The following VWA3B variants were observed in gnomAD, a reference collection of about 807,000 sequenced individuals.
VWA3B encodes the protein von Willebrand factor A domain containing 3B.
In VWA3B, 138 loss-of-function variants were observed where a neutral mutation model predicts 158.3. That is an observed-to-expected ratio of 0.87 (90% CI 0.76 to 1.00). The LOEUF is 1.00. Among genes scored for constraint, VWA3B ranks in the 50% least tolerant of loss-of-function variants. The probability of loss-of-function intolerance (pLI) is 0.00; values close to 1 mark genes in which losing one functional copy is unlikely to be tolerated. For synonymous variants in VWA3B, 596 were observed against 587.3 expected (o/e 1.01, Z -0.21); for missense variants, 1,555 against 1,565.1 (o/e 0.99, Z 0.11).
At chr2:98,102,403 T>G (rs555594017) in intron 2 of VWA3B, among the ~76,000 whole-genome samples, 2 of 152,224 alleles carry the variant, frequency 1.3e-5, no homozygotes, top group African/African-American at 4.8e-5. Context: ...AGCTGTTGGG[T>G]ACACCTGCAG....
At chr2:98,212,153 G>A (rs1683581949) in intron 13 of VWA3B, 125 bp downstream of exon 13, 4 of 716,872 alleles carry the variant, frequency 5.6e-6, no homozygotes, top group Non-Finnish European at 9.5e-6. Context: ...CCTTGGCTTA[G>A]GGACTCAGAT....
rs1690962261 is a variant in VWA3B at position 98,312,336 on chromosome 2, C to T, written c.3872C>T (p.Pro1291Leu). The T allele has an allele frequency of 3.1e-6, 5 of 1,612,150 alleles. No individual in the cohort carries two copies. The highest frequency in any genetic ancestry group is 4.2e-6 in the Non-Finnish European group (5 of 1,178,644). The change falls in exon 28 of 28, where the codon CCT becomes CTT. Residue 1291 changes from proline (P) to leucine (L), a missense_variant. By Grantham distance (98) the Pro-to-Leu change is moderately conservative. Transcript: ENST00000477737. ...AGCAGCAAAGGGCTGAGGAGCGTCC[C>T]TGAGACACTTTAAGGCCGTCTGGTG... ...THSSKGLRSV[P>L]ETL is the part of the protein sequence containing the mutation.
chr2:98,137,642 A>T (rs1011070812), intron 7 of VWA3B, among the ~76,000 whole-genome samples: 4 of 152,138 alleles, frequency 2.6e-5, no homozygotes, highest in Non-Finnish European at 5.9e-5. Flanking sequence ...AAGTTTAAAG[A>T]TATTGAACAA....
rs370989685 is a variant in VWA3B, at chr2:98,110,304, T to C, written c.197-5348T>C. 7.9e-5 allele frequency among the ~76,000 whole-genome samples: 12 copies of C among 152,266 alleles called. No individual in the cohort carries two copies. The East Asian group carries it at 1.2e-3, about 15-fold the overall frequency. On this transcript the variant is annotated intron_variant, in intron 2 of 27. Transcript: ENST00000477737. ...TTCATTTTGCTATTGAGTTCATCCATTGAGTTTTTAATTTTGATTATTCTA... is the reference window on the plus strand; with the variant it reads ...TTCATTTTGCTATTGAGTTCATCCACTGAGTTTTTAATTTTGATTATTCTA...
At chr2:98,184,206 T>C (rs935904426) in intron 9 of VWA3B, among the ~76,000 whole-genome samples, 7 of 152,166 alleles carry the variant, frequency 4.6e-5, no homozygotes, top group Non-Finnish European at 7.4e-5. Context: ...TGGTTTTCCA[T>C]TTGGCTGTGC....
chr2:98,244,464 G>C (rs956762229), intron 19 of VWA3B, among the ~76,000 whole-genome samples: 2 of 151,994 alleles, frequency 1.3e-5, no homozygotes, highest in Non-Finnish European at 2.9e-5. Flanking sequence ...TTATTCATAT[G>C]TTTAGGAAAC....
intron 19 of VWA3B, among the ~76,000 whole-genome samples, chr2:98,248,846 T>C (rs1421122071): frequency 4.3e-5 from 1 of 23,122 alleles, no homozygotes; most frequent in Non-Finnish European, 6.2e-5. Flanking sequence ...TTTCTTTCTT[T>C]CTTTCTTTCT....
chr2:98,239,007 A>G (rs1020462498), intron 19 of VWA3B, among the ~76,000 whole-genome samples: 2 of 152,222 alleles, frequency 1.3e-5, no homozygotes, highest in African/African-American at 4.8e-5. Context: ...CACCTCCCCC[A>G]TCAAATTGGT....
At chr2:98,218,234 C>T (rs1233007140) in intron 14 of VWA3B, among the ~76,000 whole-genome samples, 1 of 152,198 alleles carries the variant, frequency 6.6e-6, no homozygotes, top group Non-Finnish European at 1.5e-5. Context: ...CAGATTCCTG[C>T]ATCCCATTTC....
At chr2:98,325,928 G>A in the VWA3B span, among the ~76,000 whole-genome samples, 1 of 152,160 alleles carries the variant, frequency 6.6e-6, no homozygotes, top group African/African-American at 2.4e-5. Context: ...GTCAGTCCAT[G>A]TGCTTGGCCA....
At chr2:98,227,833 T>C (rs535445207) in intron 14 of VWA3B, among the ~76,000 whole-genome samples, 2 of 152,334 alleles carry the variant, frequency 1.3e-5, no homozygotes, top group South Asian at 4.1e-4. Flanking sequence ...ACTGTAAGAA[T>C]GATTTTGCAG....
chr2:98,185,072 A>G (rs535291339), intron 9 of VWA3B, among the ~76,000 whole-genome samples: 1 of 152,082 alleles, frequency 6.6e-6, no homozygotes, highest in South Asian at 2.1e-4. Context: ...CCCCAACTCC[A>G]TCTCTACCAC....
chr2:98,261,193 A>G (rs1687457855), intron 21 of VWA3B, among the ~76,000 whole-genome samples: 1 of 151,488 alleles, frequency 6.6e-6, no homozygotes, highest in Admixed American at 6.6e-5. Context: ...CTTTTTAGTT[A>G]TTTTCTTAGT....
intron 9 of VWA3B, among the ~76,000 whole-genome samples, chr2:98,187,170 G>A (rs372503695): frequency 3.9e-5 from 6 of 152,126 alleles, no homozygotes; most frequent in South Asian, 4.2e-4. Context: ...TAACTTGTCC[G>A]GTCTCTCCCC....
At chr2:98,324,261 C>T in the VWA3B span, among the ~76,000 whole-genome samples, 162 of 152,150 alleles carry the variant, frequency 1.1e-3, no homozygotes, top group Non-Finnish European at 2.0e-3. Flanking sequence ...CTCCCAAGTT[C>T]AAACCATTCT....
chr2:98,129,020 G>A (rs1159557802), intron 6 of VWA3B, among the ~76,000 whole-genome samples: 1 of 152,180 alleles, frequency 6.6e-6, no homozygotes, highest in Non-Finnish European at 1.5e-5. Flanking sequence ...AGTCAGCTTG[G>A]GCTGCCATAA....
the VWA3B span, among the ~76,000 whole-genome samples, chr2:98,324,627 T>G: frequency 3.3e-5 from 5 of 152,228 alleles, no homozygotes; most frequent in Non-Finnish European, 7.3e-5. Flanking sequence ...TTCTGAGGAA[T>G]GTAACAGAAT....
chr2:98,255,180 A>ATTTTTTTTTTTT lies in VWA3B; in HGVS notation c.2793-943_2793-942insTTTTTTTTTTTT, dbSNP rs1302034902. ...AGTCGCCCGCCACCACGCCCGGCTGATATTTTTTTTTTTTTTTTTTTTTTT... is the reference window on the plus strand; with the variant it reads ...AGTCGCCCGCCACCACGCCCGGCTGATTTTTTTTTTTTTATTTTTTTTTTTTTTTTTTTTTTT... On this transcript the variant is annotated intron_variant, in intron 20 of 27. Transcript: ENST00000477737. Among the ~76,000 whole-genome samples the ATTTTTTTTTTTT allele has an allele frequency of 5.6e-4, 37 of 65,922 alleles. 5 individuals are homozygous for ATTTTTTTTTTTT. Among genetic ancestry groups the ATTTTTTTTTTTT allele is most frequent in the African/African-American group, 2.2e-3 (34 of 15,272 alleles). 43.2% of individuals were successfully genotyped at this position (65,922 alleles called of 152,430 possible). A position where few individuals can be genotyped will look rare whatever the true frequency, so the allele number is the denominator to read the frequency against.
At chr2:98,232,037 C>T (rs1685370960) in intron 16 of VWA3B, among the ~76,000 whole-genome samples, 1 of 152,078 alleles carries the variant, frequency 6.6e-6, no homozygotes, top group African/African-American at 2.4e-5. Flanking sequence ...GGAAAATTGT[C>T]CCTCCTCTTC....
Sources: gnomAD v4.1 joint callset for allele counts (sites outside exome capture counted in the v4.1 genomes callset) on GRCh38, gnomAD v4.1.1 for gene constraint, MANE v1.5 for transcripts, NCBI Gene and HGNC (gene_info 2026-07-23, HGNC 2026-07-21) for gene names.